NXPE4: variants seen among roughly 807,000 people sequenced by gnomAD.
NXPE4 encodes the protein neurexophilin and PC-esterase domain family member 4, also known as NXPE family member 4.
A neutral mutation model predicts 33.3 loss-of-function variants in NXPE4; 42 were observed. The observed-to-expected ratio is 1.26, with a 90% CI of 0.98 to 1.63. NXPE4 has a LOEUF of 1.63. Among genes scored for constraint, NXPE4 ranks in the 40% most tolerant of loss-of-function variants. NXPE4 has a pLI of 0.00. For missense variants in NXPE4, 709 were observed against 647.6 expected (o/e 1.09, Z -1.03); for synonymous variants, 253 against 234.9 (o/e 1.08, Z -0.71).
intron 5 of NXPE4, among the ~76,000 whole-genome samples, chr11:114,573,807 A>T (rs1157117988): frequency 6.6e-6 from 1 of 152,098 alleles, no homozygotes; most frequent in East Asian, 1.9e-4. Context: ...GGTCATCAAG[A>T]CAGAAAGTCA....
At chr11:114,602,237 T>C in the NXPE4 span, among the ~76,000 whole-genome samples, 5 of 115,832 alleles carry the variant, frequency 4.3e-5, no homozygotes, top group Admixed American at 5.6e-4. Flanking sequence ...TTATATATTA[T>C]ACTATATACA....
At chr11:114,583,258 G>A (rs767063541) in intron 2 of NXPE4, 61 of 660,664 alleles carry the variant, frequency 9.2e-5, no homozygotes, top group Non-Finnish European at 1.1e-4. Flanking sequence ...GCAAGATGGC[G>A]CAAAGGCAGG....
At chr11:114,641,107 T>C in the NXPE4 span, among the ~76,000 whole-genome samples, 1 of 151,952 alleles carries the variant, frequency 6.6e-6, no homozygotes, top group Non-Finnish European at 1.5e-5. Context: ...CTGAAGTAAA[T>C]AGTAGTCTGG....
At chr11:114,587,182 A>G (rs1322648370) in intron 2 of NXPE4, among the ~76,000 whole-genome samples, 1 of 152,202 alleles carries the variant, frequency 6.6e-6, no homozygotes, top group Non-Finnish European at 1.5e-5. Context: ...TCTGTCTTCA[A>G]CAATGAGGGG....
At chr11:114,654,187 T>A in the NXPE4 span, among the ~76,000 whole-genome samples, 1 of 152,048 alleles carries the variant, frequency 6.6e-6, no homozygotes, top group Non-Finnish European at 1.5e-5. Flanking sequence ...TCACTGAGCA[T>A]TTCCAGAGTG....
At chr11:114,633,511 G>A in the NXPE4 span, among the ~76,000 whole-genome samples, 1 of 150,518 alleles carries the variant, frequency 6.6e-6, no homozygotes, top group African/African-American at 2.4e-5. Context: ...TGTGCACAAT[G>A]TGCAGGTTAG....
At chr11:114,625,470 C>T in the NXPE4 span, among the ~76,000 whole-genome samples, 1,582 of 151,176 alleles carry the variant, frequency 0.01, 22 homozygotes, top group African/African-American at 0.036. Context: ...CACTGTCACC[C>T]GGTGGATAAT....
intron 2 of NXPE4, among the ~76,000 whole-genome samples, chr11:114,593,907 G>C (rs1949518966): frequency 6.6e-6 from 1 of 152,102 alleles, no homozygotes; most frequent in South Asian, 2.1e-4. Context: ...TATGTTAAGT[G>C]AAATAAGCTA....
chr11:114,601,004 T>C, the NXPE4 span, among the ~76,000 whole-genome samples: 1 of 152,018 alleles, frequency 6.6e-6, no homozygotes, highest in African/African-American at 2.4e-5. Context: ...TTCGAACAGG[T>C]TGATGCTGCC....
the NXPE4 span, among the ~76,000 whole-genome samples, chr11:114,601,399 G>C: frequency 7.1e-6 from 1 of 139,986 alleles, no homozygotes; most frequent in South Asian, 2.1e-4. Flanking sequence ...AGTTCCATCC[G>C]TGTTGCTGCA....
At chr11:114,665,056 G>C in the NXPE4 span, among the ~76,000 whole-genome samples, 3 of 152,134 alleles carry the variant, frequency 2.0e-5, no homozygotes, top group Non-Finnish European at 2.9e-5. Flanking sequence ...GGGCACATCT[G>C]TACACAGCAT....
chr11:114,597,716 G>A (rs144915901), upstream of NXPE4, among the ~76,000 whole-genome samples: 930 of 152,164 alleles, frequency 6.1e-3, 2 homozygotes, highest in Non-Finnish European at 8.9e-3. Flanking sequence ...GGAGCATCTC[G>A]GGGTGCTAGG....
chr11:114,640,227 A>G, the NXPE4 span, among the ~76,000 whole-genome samples: 1 of 140,218 alleles, frequency 7.1e-6, no homozygotes, highest in South Asian at 2.2e-4. Context: ...TAATTTATAT[A>G]TATAAATTAT....
chr11:114,676,724 A>G, the NXPE4 span, among the ~76,000 whole-genome samples: 1 of 152,040 alleles, frequency 6.6e-6, no homozygotes, highest in African/African-American at 2.4e-5. Flanking sequence ...TAAAATGGAA[A>G]TACTGTATGA....
chr11:114,621,089 A>G, the NXPE4 span, among the ~76,000 whole-genome samples: 1 of 151,870 alleles, frequency 6.6e-6, no homozygotes. Context: ...GATAATAAGT[A>G]TTGGCACATG....
At chr11:114,580,101 G>A (rs767393890) in intron 5 of NXPE4, 31 bp downstream of exon 5, 2 of 1,541,900 alleles carry the variant, frequency 1.3e-6, no homozygotes, top group Non-Finnish European at 1.8e-6. Flanking sequence ...TTCTGAAAGG[G>A]GTAAGAATTA....
chr11:114,580,202 TC>T lies in NXPE4; in HGVS notation c.1028del (p.Gly343GlufsTer6). On this transcript the variant is annotated frameshift_variant, in exon 5 of 6. Transcript: ENST00000375478. LOFTEE classifies it high-confidence loss of function. ...ATVKMKECLR[G>X]KLIYLMGDST... Reference sequence around the variant, plus strand: ...AATCTCCCATTAGGTATATGAGTTTTCCTCTCAGGCATTCCTTCATTTTGAC... The same window carrying T: ...AATCTCCCATTAGGTATATGAGTTTTCTCTCAGGCATTCCTTCATTTTGAC... 1 of 1,614,112 alleles carries T rather than the reference TC, an allele frequency of 6.2e-7. No homozygotes were observed. The highest frequency in any genetic ancestry group is 8.5e-7 in the Non-Finnish European group (1 of 1,179,964).
At chr11:114,587,052 C>T (rs1949318648) in intron 2 of NXPE4, among the ~76,000 whole-genome samples, 1 of 152,120 alleles carries the variant, frequency 6.6e-6, no homozygotes, top group Non-Finnish European at 1.5e-5. Context: ...GGAACGGGAA[C>T]CCTATTCCAT....
At chr11:114,607,899 A>T in the NXPE4 span, among the ~76,000 whole-genome samples, 2 of 151,942 alleles carry the variant, frequency 1.3e-5, no homozygotes, top group Non-Finnish European at 2.9e-5. Context: ...CTCGTGGGTA[A>T]CCACAGTTAC....
Sources: allele counts gnomAD v4.1 joint callset (sites outside exome capture counted in the v4.1 genomes callset), GRCh38; gene constraint gnomAD v4.1.1; transcripts MANE v1.5; gene names NCBI Gene and HGNC (gene_info 2026-07-23, HGNC 2026-07-21).